The following METAP2 variants were observed in gnomAD, a reference collection of about 807,000 sequenced individuals.
The protein encoded by METAP2 is methionine aminopeptidase 2.
METAP2 carries 25 observed loss-of-function variants against 59.4 expected under a neutral mutation model. The ratio of observed to expected loss-of-function variants is 0.42; its 90% CI spans 0.31 to 0.59. The LOEUF (loss-of-function observed/expected upper bound fraction) is 0.59, where lower values mean the gene tolerates loss of function less well. METAP2 is among the 20% of genes least tolerant of loss of function. The pLI is 0.16. For missense variants in METAP2, 366 were observed against 581.2 expected, an observed-to-expected ratio of 0.63 and a Z score of 3.81; for synonymous variants, 214 against 194.1, an observed-to-expected ratio of 1.10 and a Z score of -0.85.
At chr12:95,501,646 T>C (rs1224722886) in intron 7 of METAP2, among the ~76,000 whole-genome samples, 1 of 151,184 alleles carries the variant, frequency 6.6e-6, no homozygotes, top group Non-Finnish European at 1.5e-5. Context: ...ACCCAGGAGA[T>C]GGAGGTTGCA....
intron 7 of METAP2, among the ~76,000 whole-genome samples, chr12:95,498,630 A>G (rs73365821): frequency 0.087 from 13,238 of 152,210 alleles, 817 homozygotes; most frequent in African/African-American, 0.17. Flanking sequence ...AAGGGTCCAC[A>G]TTCATTCTTT....
chr12:95,490,347 A>G (rs771798131), intron 4 of METAP2, among the ~76,000 whole-genome samples: 18 of 147,508 alleles, frequency 1.2e-4, no homozygotes, highest in Non-Finnish European at 2.7e-4. Context: ...ATGTATATAC[A>G]GTATCCTTTT....
rs1326241224 is a variant in METAP2, at chr12:95,515,126, A to G, written c.*1222A>G. The G allele has an allele frequency of 6.6e-6, 1 of 152,658 alleles. No homozygotes were observed. The highest frequency in any genetic ancestry group is 1.5e-5 in the Non-Finnish European group (1 of 68,038). 9.5% of individuals were successfully genotyped at this position (152,658 alleles called of 1,614,324 possible). A position where few individuals can be genotyped will look rare whatever the true frequency, so the allele number is the denominator to read the frequency against. On this transcript the variant is annotated 3_prime_UTR_variant, in exon 11 of 11. Coordinates refer to ENST00000323666, the MANE Select transcript of METAP2 (RefSeq NM_006838.4). ...CCTTAATTTGTATATGTTTCAGTAC[A>G]ATGAGATTTTATTGCCTCTGGGATG...
intron 7 of METAP2, among the ~76,000 whole-genome samples, chr12:95,496,632 A>C (rs1009398863): frequency 7.2e-5 from 11 of 152,026 alleles, no homozygotes; most frequent in African/African-American, 2.7e-4. Flanking sequence ...CGCATCTACC[A>C]TTATAGTATC....
intron 10 of METAP2, 93 bp from the exon 11 acceptor site, chr12:95,513,559 C>T (rs2076421165): frequency 7.0e-7 from 1 of 1,424,346 alleles, no homozygotes; most frequent in Non-Finnish European, 9.5e-7. Context: ...ACTTCAACTA[C>T]TAGGACACAG....
At position 95,509,214 on chromosome 12, in the gene METAP2, TA is replaced by T. The variant is rs558234934; in HGVS notation, c.965-2674del. On this transcript the variant is annotated intron_variant, in intron 8 of 10. Transcript: ENST00000323666. ...GTTGGTATGGCTAAGAAACTTTCTT[TA>T]AAAAAATTGATTGGCTTGTAAGGGT... is the stretch of plus-strand genomic sequence containing the variant. Among the ~76,000 whole-genome samples, 1,468 of 152,278 alleles carry T rather than the reference TA, an allele frequency of 9.6e-3. 10 individuals are homozygous for T. Among genetic ancestry groups the T allele is most frequent in the Middle Eastern group, 0.034 (10 of 294 alleles).
chr12:95,508,325 C>CTGGA (rs2076377594), intron 8 of METAP2, among the ~76,000 whole-genome samples: 2 of 152,098 alleles, frequency 1.3e-5, no homozygotes, highest in African/African-American at 4.8e-5. Context: ...TAGCTTAGAA[C>CTGGA]CAGTTTTAGG....
At chr12:95,491,499 A>G (rs940879195) in intron 4 of METAP2, among the ~76,000 whole-genome samples, 8 of 152,162 alleles carry the variant, frequency 5.3e-5, no homozygotes, top group African/African-American at 1.9e-4. Context: ...TGATACATGC[A>G]TACATTTTAA....
At chr12:95,483,163 C>T in intron 2 of METAP2, 52 bp from the exon 3 acceptor site, 1 of 1,361,324 alleles carries the variant, frequency 7.3e-7, no homozygotes, top group East Asian at 2.3e-5. Flanking sequence ...CTTGCTTTGT[C>T]CCTCTGCTTA....
intron 7 of METAP2, among the ~76,000 whole-genome samples, chr12:95,498,992 G>A (rs143274371): frequency 1.0e-3 from 153 of 150,468 alleles, no homozygotes; most frequent in African/African-American, 3.6e-3. Flanking sequence ...TTCCAGCCTG[G>A]GTAAAAAAGC....
At chr12:95,498,229 C>A (rs2076289916) in intron 7 of METAP2, among the ~76,000 whole-genome samples, 3 of 151,966 alleles carry the variant, frequency 2.0e-5, no homozygotes, top group Admixed American at 2.0e-4. Context: ...CCTTGTCCTC[C>A]CAAAGTGCTG....
At chr12:95,496,747 AT>A (rs1027891469) in intron 7 of METAP2, among the ~76,000 whole-genome samples, 274 of 135,218 alleles carry the variant, frequency 2.0e-3, no homozygotes, top group Middle Eastern at 4.1e-3. Context: ...ACCCACTCAA[AT>A]TTTTTTTTTT....
chr12:95,480,525 A>G (rs1389145029), intron 2 of METAP2, among the ~76,000 whole-genome samples: 1 of 152,066 alleles, frequency 6.6e-6, no homozygotes, highest in South Asian at 2.1e-4. Context: ...CCTTGTAAGG[A>G]CTTGGTATTT....
chr12:95,505,701 G>A (rs984055762), intron 8 of METAP2, among the ~76,000 whole-genome samples: 3 of 151,976 alleles, frequency 2.0e-5, no homozygotes, highest in Admixed American at 6.5e-5. Flanking sequence ...TGTCATGTTG[G>A]CCAGGCTGGT....
In METAP2 at chr12:95,474,425, C is replaced by T. The variant is rs549926671; in HGVS notation, c.151+95C>T. The T allele has an allele frequency of 5.1e-6, 7 of 1,360,356 alleles. No individual in the cohort carries two copies. In the East Asian group the frequency reaches 1.7e-4, roughly 32 times the overall value. 84.3% of individuals were successfully genotyped at this position (1,360,356 alleles called of 1,614,324 possible). ...GGGGGCCGGGACCGGGGCCCCAGAG[C>T]CCCGACTAGACTGATTCTTGGGCCT... On this transcript the variant is annotated intron_variant, in intron 1 of 10. Transcript: ENST00000323666.
At position 95,483,365 on chromosome 12, in the gene METAP2, A is replaced by G. The variant is rs2076173181; in HGVS notation, c.325+85A>G. On this transcript the variant is annotated intron_variant, in intron 3 of 10. Coordinates refer to ENST00000323666, the MANE Select transcript of METAP2 (RefSeq NM_006838.4). ...GTGGCTCACACCTGTGATCCCAGCT[A>G]CTCCGGAGGCTGAGGCAGGAGAATT... is the stretch of plus-strand genomic sequence containing the variant. 91 of 1,029,846 alleles carry G rather than the reference A, an allele frequency of 8.8e-5. 1 individual carries two copies. In the South Asian group the frequency reaches 1.2e-3, roughly 14 times the overall value. 63.8% of individuals were successfully genotyped at this position (1,029,846 alleles called of 1,614,324 possible).
At chr12:95,512,331 G>A (rs978059776) in intron 9 of METAP2, among the ~76,000 whole-genome samples, 5 of 152,154 alleles carry the variant, frequency 3.3e-5, no homozygotes, top group African/African-American at 1.2e-4. Context: ...AAAGTGCTAA[G>A]GAGATAAAGC....
chr12:95,475,079 G>T (rs2076108305), intron 1 of METAP2, among the ~76,000 whole-genome samples: 1 of 152,136 alleles, frequency 6.6e-6, no homozygotes, highest in Admixed American at 6.5e-5. Flanking sequence ...GAGAACTGCT[G>T]AGAGTTTACA....
chr12:95,503,949 G>C, intron 7 of METAP2, 116 bp from the exon 8 acceptor site: 1 of 696,812 alleles, frequency 1.4e-6, no homozygotes, highest in South Asian at 1.9e-5. Context: ...TAAACAGGAA[G>C]TTACAATGTA....
Sources: allele counts gnomAD v4.1 joint callset (sites outside exome capture counted in the v4.1 genomes callset), GRCh38; gene constraint gnomAD v4.1.1; transcripts MANE v1.5; gene names NCBI Gene and HGNC (gene_info 2026-07-23, HGNC 2026-07-21).